Variants in MKRN2 observed in about 807,000 individuals in gnomAD.
MKRN2 encodes the protein E3 ubiquitin-protein ligase makorin-2.
A neutral mutation model predicts 45.4 loss-of-function variants in MKRN2; 32 were observed. The ratio of observed to expected loss-of-function variants is 0.70; its 90% confidence interval spans 0.53 to 0.95. The LOEUF is 0.95. MKRN2 is among the 40% of genes least tolerant of loss of function. The pLI is 0.00. For synonymous variants in MKRN2, 206 were observed against 192.4 expected, an observed-to-expected ratio of 1.07 and a Z score of -0.59; for missense variants, 526 against 536.7, an observed-to-expected ratio of 0.98 and a Z score of 0.20.
chr3:12,573,425 C>G (rs965426944), intron 4 of MKRN2, among the ~76,000 whole-genome samples: 1 of 149,886 alleles, frequency 6.7e-6, no homozygotes, highest in Non-Finnish European at 1.5e-5. Context: ...CCCAGCTACT[C>G]GGCAGGACTG....
In MKRN2 at chr3:12,581,821, A is replaced by T; in HGVS notation, c.982A>T (p.Lys328Ter). Residue 328 changes from lysine to a stop codon, truncating the protein, a stop_gained, in exon 7 of 8, where the codon AAA becomes TAA. Coordinates refer to ENST00000170447, the MANE Select transcript of MKRN2 (RefSeq NM_014160.5). LOFTEE classifies it high-confidence loss of function. ...FKQGMGKKAC[K>*]YFEQGKGTCP... ...TCTGCTTTTCAGGAAAAAAGCCTGT[A>T]AATACTTTGAGCAAGGCAAGGGGAC... The T allele has an allele frequency of 1.2e-6, 2 of 1,614,104 alleles. No homozygotes were observed. The highest frequency in any genetic ancestry group is 1.7e-6 in the Non-Finnish European group (2 of 1,180,000).
At chr3:12,579,992 G>A (rs1369329407) in intron 6 of MKRN2, among the ~76,000 whole-genome samples, 1 of 152,144 alleles carries the variant, frequency 6.6e-6, no homozygotes, top group Non-Finnish European at 1.5e-5. Context: ...GTGGGAGGGA[G>A]GCCAGTGAGG....
At chr3:12,568,757 A>G in intron 1 of MKRN2, 118 bp from the exon 2 acceptor site, 1 of 1,351,752 alleles carries the variant, frequency 7.4e-7, no homozygotes, top group Non-Finnish European at 1.0e-6. Context: ...AGTGCCTAAT[A>G]GAGCCTTTAT....
At chr3:12,560,832 T>C (rs2058031138) in intron 1 of MKRN2, 1 of 152,192 alleles carries the variant, frequency 6.6e-6, no homozygotes, top group Non-Finnish European at 1.5e-5. Context: ...CTCAGTCGTC[T>C]CTCTTGGAAG....
At chr3:12,569,958 C>G (rs958944337) in intron 2 of MKRN2, 113 bp from the exon 3 acceptor site, 2 of 1,012,430 alleles carry the variant, frequency 2.0e-6, no homozygotes, top group Non-Finnish European at 2.8e-6. Context: ...AAAAGATGGC[C>G]GCCTTCTTCA....
chr3:12,572,709 C>T (rs1026996607), intron 4 of MKRN2, among the ~76,000 whole-genome samples: 7 of 151,850 alleles, frequency 4.6e-5, no homozygotes, highest in Non-Finnish European at 7.4e-5. Flanking sequence ...TCAGCCCCAC[C>T]GAGTAGCTGG....
In MKRN2 at chr3:12,574,786, C is replaced by T. The variant is rs747425228; in HGVS notation, c.643-6C>T. On this transcript the variant is annotated splice_region_variant and splice_polypyrimidine_tract_variant and intron_variant, in intron 4 of 7. Transcript: ENST00000170447. Reference sequence around the variant, plus strand: ...ACCAAAGCCTTCCTTCCTGTCTGTGCTTCAGATCTGCATGTTGACGTTCGA... The same window carrying T: ...ACCAAAGCCTTCCTTCCTGTCTGTGTTTCAGATCTGCATGTTGACGTTCGA... 1.9e-6 allele frequency: 3 copies of T among 1,611,724 alleles called. No individual in the cohort carries two copies. The highest frequency in any genetic ancestry group is 2.2e-5 in the South Asian group (2 of 90,982).
chr3:12,578,023 C>G (rs2058153320), intron 6 of MKRN2, among the ~76,000 whole-genome samples: 1 of 152,220 alleles, frequency 6.6e-6, no homozygotes, highest in South Asian at 2.1e-4. Context: ...GAACTCAAAC[C>G]CAGGTAGCAG....
intron 1 of MKRN2, among the ~76,000 whole-genome samples, chr3:12,561,887 C>T (rs2058038924): frequency 6.6e-6 from 1 of 152,050 alleles, no homozygotes; most frequent in African/African-American, 2.4e-5. Flanking sequence ...TAGATGTATA[C>T]TCTACTTTTG....
intron 1 of MKRN2, 94 bp downstream of exon 1, chr3:12,557,270 G>T: frequency 6.8e-7 from 1 of 1,467,158 alleles, no homozygotes. Flanking sequence ...CCTGAGGCTA[G>T]AGCGGGACTC....
chr3:12,561,087 A>G (rs778411145), intron 1 of MKRN2: 36 of 152,358 alleles, frequency 2.4e-4, no homozygotes, highest in Non-Finnish European at 4.6e-4. Context: ...CACCTCTTAC[A>G]TAACTCTCAT....
intron 4 of MKRN2, among the ~76,000 whole-genome samples, chr3:12,573,415 C>A (rs1016066187): frequency 1.0e-4 from 15 of 149,676 alleles, no homozygotes; most frequent in Non-Finnish European, 1.9e-4. Context: ...CACCTGTAGT[C>A]CCAGCTACTC....
In MKRN2 at chr3:12,576,189, A is replaced by ATGTGTGTG. The variant is rs59197804; in HGVS notation, c.858-408_858-401dup. 2.2e-3 allele frequency among the ~76,000 whole-genome samples: 310 copies of ATGTGTGTG among 143,302 alleles called. 1 individual carries two copies. The highest frequency in any genetic ancestry group is 0.015 in the East Asian group (70 of 4,746). 94.0% of individuals were successfully genotyped at this position (143,302 alleles called of 152,430 possible). On this transcript the variant is annotated intron_variant, in intron 5 of 7. Coordinates refer to ENST00000170447, the MANE Select transcript of MKRN2 (RefSeq NM_014160.5). ...GTCTTTTTTGTTGAGGAAACCATAT[A>ATGTGTGTG]TGTGTGTGTGTGTGTGTGTGTGTGT...
chr3:12,569,549 C>G (rs1378680016), intron 2 of MKRN2, among the ~76,000 whole-genome samples: 1 of 152,168 alleles, frequency 6.6e-6, no homozygotes, highest in Non-Finnish European at 1.5e-5. Context: ...CTTGTTCATG[C>G]TTTTGTAGCA....
chr3:12,557,150 C>T lies in MKRN2; in HGVS notation c.-1C>T. ...GACGACGGTCCCTCAGCCCAGCCAC[C>T]ATGAGCACCAAGCAGATCACTTGCA... On this transcript the variant is annotated 5_prime_UTR_variant, in exon 1 of 8. Transcript: ENST00000170447. The T allele has an allele frequency of 1.3e-6, 2 of 1,528,890 alleles. No individual in the cohort carries two copies. Among genetic ancestry groups the T allele is most frequent in the Non-Finnish European group, 1.8e-6 (2 of 1,140,492 alleles). 94.7% of individuals were successfully genotyped at this position (1,528,890 alleles called of 1,614,324 possible). A position where few individuals can be genotyped will look rare whatever the true frequency, so the allele number is the denominator to read the frequency against.
chr3:12,578,276 T>A (rs924952337), intron 6 of MKRN2, among the ~76,000 whole-genome samples: 36 of 151,726 alleles, frequency 2.4e-4, no homozygotes, highest in African/African-American at 8.5e-4. Context: ...CCCCATGTGG[T>A]TATGATTTTG....
At chr3:12,581,721 G>A (rs998470434) in intron 6 of MKRN2, 87 bp from the exon 7 acceptor site, 10 of 1,456,424 alleles carry the variant, frequency 6.9e-6, no homozygotes, top group African/African-American at 1.4e-5. Flanking sequence ...TCTGGCGTAA[G>A]GGTGGTAAGG....
chr3:12,563,643 C>T (rs2058052537), intron 1 of MKRN2, among the ~76,000 whole-genome samples: 1 of 148,192 alleles, frequency 6.7e-6, no homozygotes, highest in Non-Finnish European at 1.5e-5. Context: ...GCACCTGCCA[C>T]CATGCCCGGC....
chr3:12,557,300 C>A, intron 1 of MKRN2, 124 bp downstream of exon 1: 1 of 1,288,360 alleles, frequency 7.8e-7, no homozygotes, highest in South Asian at 1.6e-5. Flanking sequence ...CTCGGCTGTT[C>A]GCGGCGGGGC....
Sources: gnomAD v4.1 joint callset for allele counts (sites outside exome capture counted in the v4.1 genomes callset) on GRCh38, gnomAD v4.1.1 for gene constraint, MANE v1.5 for transcripts, NCBI Gene and HGNC (gene_info 2026-07-23, HGNC 2026-07-21) for gene names.